MFHAS1: variants seen among roughly 807,000 people sequenced by gnomAD.
The protein encoded by MFHAS1 is malignant fibrous histiocytoma-amplified sequence 1.
MFHAS1 carries 50 observed loss-of-function variants against 70.4 expected under a neutral mutation model. That is an observed-to-expected ratio of 0.71 (90% CI 0.57 to 0.90). MFHAS1 has a LOEUF of 0.90. MFHAS1 is among the 40% of genes least tolerant of loss of function. The pLI, the probability that MFHAS1 is intolerant of heterozygous loss-of-function variation, is 0.00. For synonymous variants in MFHAS1, 952 were observed against 620.0 expected (o/e 1.54, Z -7.96); for missense variants, 1,795 against 1,347.6 (o/e 1.33, Z -5.20).
chr8:8,867,959 C>T (rs557708790), intron 1 of MFHAS1, among the ~76,000 whole-genome samples: 4 of 152,090 alleles, frequency 2.6e-5, no homozygotes, highest in East Asian at 3.8e-4. Context: ...TGTTTCCTAC[C>T]GCTAATAAAT....
In MFHAS1 at chr8:8,892,949, G is replaced by A. The variant is rs761784427; in HGVS notation, c.110C>T (p.Ala37Val). 2 of 1,545,658 alleles carry A rather than the reference G, an allele frequency of 1.3e-6. No homozygotes were observed. Among genetic ancestry groups the A allele is most frequent in the East Asian group, 4.9e-5 (2 of 40,422 alleles). Residue 37 changes from alanine (A) to valine (V), a missense_variant, in exon 1 of 3, where the codon GCC becomes GTC. Transcript: ENST00000276282. The surrounding 1 kb of genome is among the most constrained non-coding windows in gnomAD (Gnocchi z 4.7). ...SNLRQLTLTAAGACPGAGADA... is the reference protein window; with the variant it reads ...SNLRQLTLTAVGACPGAGADA... ...GGCCCCGGCCCCGGGGCAGGCCCCG[G>A]CGGCGGTAAGCGTGAGCTGGCGCAG...
At chr8:8,791,816 G>A (rs1805728260) in intron 2 of MFHAS1, among the ~76,000 whole-genome samples, 2 of 152,142 alleles carry the variant, frequency 1.3e-5, no homozygotes, top group South Asian at 2.1e-4. Flanking sequence ...TCTAAAGGAG[G>A]AGCTCTCCAA....
intron 1 of MFHAS1, among the ~76,000 whole-genome samples, chr8:8,821,146 T>G (rs1465154728): frequency 6.6e-6 from 1 of 152,078 alleles, no homozygotes; most frequent in Non-Finnish European, 1.5e-5. Flanking sequence ...AGTCCTTGGG[T>G]GTCAGAGGGA....
At chr8:8,870,899 C>G (rs754984896) in intron 1 of MFHAS1, among the ~76,000 whole-genome samples, 1 of 152,210 alleles carries the variant, frequency 6.6e-6, no homozygotes, top group South Asian at 2.1e-4. Flanking sequence ...CAACCATGTG[C>G]ATTTCACACA....
At chr8:8,852,807 G>A (rs1306660251) in intron 1 of MFHAS1, among the ~76,000 whole-genome samples, 1 of 152,220 alleles carries the variant, frequency 6.6e-6, no homozygotes, top group Non-Finnish European at 1.5e-5. Context: ...CATCAGAACA[G>A]AGTCCGGTAA....
At chr8:8,796,219 T>C (rs550272872) in intron 2 of MFHAS1, among the ~76,000 whole-genome samples, 1 of 152,254 alleles carries the variant, frequency 6.6e-6, no homozygotes, top group Admixed American at 6.5e-5. Context: ...TTCAAGTCCA[T>C]TTTGGGGCAA....
chr8:8,804,375 T>C (rs1806205921), intron 1 of MFHAS1, among the ~76,000 whole-genome samples: 1 of 152,194 alleles, frequency 6.6e-6, no homozygotes, highest in African/African-American at 2.4e-5. Context: ...TGATATTGAA[T>C]GCTGAAACTT....
intron 1 of MFHAS1, among the ~76,000 whole-genome samples, chr8:8,852,304 T>C (rs763556708): frequency 1.3e-5 from 2 of 152,094 alleles, no homozygotes; most frequent in East Asian, 1.9e-4. Context: ...TGAAACCTCA[T>C]CTCTACTAAA....
intron 1 of MFHAS1, among the ~76,000 whole-genome samples, chr8:8,834,701 T>C (rs1401134978): frequency 1.3e-5 from 2 of 152,348 alleles, no homozygotes; most frequent in South Asian, 2.1e-4. Flanking sequence ...TAATGACACA[T>C]TTCTCAGTAT....
intron 1 of MFHAS1, among the ~76,000 whole-genome samples, chr8:8,889,706 G>T (rs754794151): frequency 1.8e-4 from 28 of 152,222 alleles, no homozygotes; most frequent in Non-Finnish European, 3.5e-4. Flanking sequence ...CCAACGATCA[G>T]TAAGAGGCTA....
At chr8:8,851,855 A>G (rs142400037) in intron 1 of MFHAS1, among the ~76,000 whole-genome samples, 4 of 152,344 alleles carry the variant, frequency 2.6e-5, no homozygotes, top group Non-Finnish European at 4.4e-5. Flanking sequence ...ATTTCCTGGC[A>G]GGTGAGACTT....
intron 2 of MFHAS1, among the ~76,000 whole-genome samples, chr8:8,791,226 T>C (rs1028125401): frequency 6.0e-5 from 9 of 148,994 alleles, no homozygotes; most frequent in African/African-American, 2.2e-4. Flanking sequence ...TCCCCACATA[T>C]CGGAGCACAG....
chr8:8,823,755 C>G (rs1364802217), intron 1 of MFHAS1, among the ~76,000 whole-genome samples: 1 of 148,316 alleles, frequency 6.7e-6, no homozygotes, highest in Non-Finnish European at 1.5e-5. Flanking sequence ...TGCGAAATTT[C>G]AAGACCCACG....
intron 2 of MFHAS1, among the ~76,000 whole-genome samples, chr8:8,787,466 C>T (rs955766561): frequency 6.6e-6 from 1 of 152,136 alleles, no homozygotes; most frequent in Admixed American, 6.5e-5. Context: ...CAGAGCCAGG[C>T]CTTTCACTAG....
intron 1 of MFHAS1, among the ~76,000 whole-genome samples, chr8:8,881,813 C>A (rs1475824037): frequency 7.4e-6 from 1 of 135,810 alleles, no homozygotes; most frequent in African/African-American, 2.8e-5. Context: ...AAGACTCCGT[C>A]TCAAAAAAAA....
chr8:8,839,712 G>A (rs1004048639), intron 1 of MFHAS1, among the ~76,000 whole-genome samples: 16 of 152,138 alleles, frequency 1.1e-4, no homozygotes, highest in African/African-American at 2.4e-4. Flanking sequence ...CTGAAATAAC[G>A]TAATATATTA....
chr8:8,788,295 G>C (rs1412764171), intron 2 of MFHAS1, among the ~76,000 whole-genome samples: 1 of 152,230 alleles, frequency 6.6e-6, no homozygotes, highest in African/African-American at 2.4e-5. Flanking sequence ...AAGATCTGTT[G>C]AATGAATGAT....
chr8:8,861,408 C>T (rs948157420), intron 1 of MFHAS1, among the ~76,000 whole-genome samples: 76 of 152,248 alleles, frequency 5.0e-4, no homozygotes, highest in African/African-American at 1.8e-3. Context: ...ATCACACAAA[C>T]TAAGGTAGAA....
At chr8:8,846,848 C>G (rs1217749859) in intron 1 of MFHAS1, among the ~76,000 whole-genome samples, 1 of 152,140 alleles carries the variant, frequency 6.6e-6, no homozygotes, top group Non-Finnish European at 1.5e-5. Context: ...CATTCTGTCT[C>G]TCATCACAAG....
Sources: allele counts gnomAD v4.1 joint callset (sites outside exome capture counted in the v4.1 genomes callset), GRCh38; gene constraint gnomAD v4.1.1; non-coding constraint Gnocchi (gnomAD v3.1); transcripts MANE v1.5; gene names NCBI Gene and HGNC (gene_info 2026-07-23, HGNC 2026-07-21).